Variants in PDS5B observed in about 807,000 individuals in gnomAD.
The protein encoded by PDS5B is sister chromatid cohesion protein PDS5 homolog B.
Under a neutral mutation model 184.1 loss-of-function variants are expected in PDS5B, and 51 were observed. The ratio of observed to expected loss-of-function variants is 0.28; its 90% CI spans 0.22 to 0.35. The LOEUF (loss-of-function observed/expected upper bound fraction) is 0.35, where lower values mean the gene tolerates loss of function less well. Ranked by LOEUF, PDS5B falls within the 10% of genes least tolerant of loss-of-function variation. PDS5B has a pLI of 1.00. For missense variants in PDS5B, 1,180 were observed against 1,723.3 expected (o/e 0.68, Z 5.58); for synonymous variants, 566 against 569.2 (o/e 0.99, Z 0.08).
At chr13:32,602,133 T>G (rs565063284) in intron 1 of PDS5B, among the ~76,000 whole-genome samples, 1 of 152,294 alleles carries the variant, frequency 6.6e-6, no homozygotes, top group East Asian at 1.9e-4. Context: ...AGGGTACATG[T>G]GCACAGCGTG....
chr13:32,696,932 G>T (rs758892513), intron 15 of PDS5B, 30 bp downstream of exon 15: 1 of 1,292,608 alleles, frequency 7.7e-7, no homozygotes. Flanking sequence ...GTATAAAAAT[G>T]TAATTTTTAT....
chr13:32,717,943 T>G (rs950202722), intron 19 of PDS5B, among the ~76,000 whole-genome samples: 3 of 116,222 alleles, frequency 2.6e-5, no homozygotes, highest in African/African-American at 9.9e-5. Context: ...CTTACTAATA[T>G]GTGATTTTTG....
At chr13:32,660,405 A>C (rs1429671303) in intron 6 of PDS5B, among the ~76,000 whole-genome samples, 1 of 152,220 alleles carries the variant, frequency 6.6e-6, no homozygotes, top group Non-Finnish European at 1.5e-5. Context: ...CACAAGCTCT[A>C]CTGCCTGTGT....
Position 32,775,399 on chromosome 13 carries a change from ATTGG to A in PDS5B, c.*348_*351del. ...TTAAACTGACAGTACCCGACTGTTT[ATTGG>A]ATCTATTGATTTGAAAAGAATTTGT... is the stretch of plus-strand genomic sequence containing the variant. On this transcript the variant is annotated 3_prime_UTR_variant, in exon 35 of 35. Coordinates refer to ENST00000315596, the MANE Select transcript of PDS5B (RefSeq NM_015032.4). The A allele has an allele frequency of 3.1e-6, 1 of 323,114 alleles. No homozygotes were observed. Among genetic ancestry groups the A allele is most frequent in the Non-Finnish European group, 5.9e-6 (1 of 169,210 alleles). The allele number at this position is 323,114 out of a possible 1,614,324, so 20.0% of individuals were successfully genotyped here. A position where few individuals can be genotyped will look rare whatever the true frequency, so the allele number is the denominator to read the frequency against.
intron 1 of PDS5B, among the ~76,000 whole-genome samples, chr13:32,624,359 G>T (rs1788134571): frequency 6.6e-6 from 1 of 151,834 alleles, no homozygotes; most frequent in South Asian, 2.1e-4. Context: ...CCTGCATTTT[G>T]GGTAGTTTCT....
intron 1 of PDS5B, among the ~76,000 whole-genome samples, chr13:32,598,265 G>A (rs574696295): frequency 5.4e-4 from 82 of 152,006 alleles, no homozygotes; most frequent in African/African-American, 1.9e-3. Context: ...AGTAGAGATG[G>A]GGTTTCACTA....
Position 32,642,071 on chromosome 13 carries a change from AATC to A in PDS5B, c.-19-6680_-19-6678del, listed in dbSNP as rs1160129836. 8.5e-5 allele frequency among the ~76,000 whole-genome samples: 13 copies of A among 152,308 alleles called. No individual in the cohort carries two copies. The East Asian group carries it at 2.5e-3, about 29-fold the overall frequency. On this transcript the variant is annotated intron_variant, in intron 1 of 34. Coordinates refer to ENST00000315596, the MANE Select transcript of PDS5B (RefSeq NM_015032.4). Reference sequence around the variant, plus strand: ...TAATCATGTTCTGCTTCTCTGGTATAATCATTCGTAAGTCGTTGAATCAGTTTT... The same window carrying A: ...TAATCATGTTCTGCTTCTCTGGTATAATTCGTAAGTCGTTGAATCAGTTTT...
chr13:32,676,957 G>C (rs200099672), intron 9 of PDS5B, among the ~76,000 whole-genome samples: 1 of 114,298 alleles, frequency 8.7e-6, no homozygotes, highest in South Asian at 2.8e-4. Context: ...AAAAAAAAAA[G>C]ATTTAAAGGC....
intron 21 of PDS5B, among the ~76,000 whole-genome samples, chr13:32,737,664 T>G (rs1017865698): frequency 2.6e-5 from 4 of 152,216 alleles, no homozygotes; most frequent in African/African-American, 9.6e-5. Context: ...CAAAACAACC[T>G]AGTCACATCT....
chr13:32,767,803 T>C (rs1305387416), intron 31 of PDS5B, among the ~76,000 whole-genome samples: 2 of 152,058 alleles, frequency 1.3e-5, no homozygotes, highest in Admixed American at 6.5e-5. Flanking sequence ...GAATATATAA[T>C]TGCAAAATTC....
chr13:32,682,374 C>T (rs938573045), intron 10 of PDS5B, among the ~76,000 whole-genome samples: 3 of 152,126 alleles, frequency 2.0e-5, no homozygotes, highest in Non-Finnish European at 2.9e-5. Flanking sequence ...TATGTTGAAT[C>T]ATACAATGTG....
chr13:32,774,901 A>G lies in PDS5B; in HGVS notation c.4309-116A>G, dbSNP rs1285331739. 6.9e-6 allele frequency: 7 copies of G among 1,021,698 alleles called. No individual in the cohort carries two copies. In the Admixed American group the frequency reaches 1.4e-4, roughly 20 times the overall value. 63.3% of individuals were successfully genotyped at this position (1,021,698 alleles called of 1,614,324 possible). A position where few individuals can be genotyped will look rare whatever the true frequency, so the allele number is the denominator to read the frequency against. On this transcript the variant is annotated intron_variant, in intron 34 of 34. Coordinates refer to ENST00000315596, the MANE Select transcript of PDS5B (RefSeq NM_015032.4). ...AGTAAGGATAAAAAGTTTCAGGGAA[A>G]GGAAAGCAAAGAAAATCAGGAACAA... is the stretch of plus-strand genomic sequence containing the variant.
intron 25 of PDS5B, among the ~76,000 whole-genome samples, chr13:32,755,288 T>C (rs1459560168): frequency 6.6e-6 from 1 of 152,154 alleles, no homozygotes; most frequent in Non-Finnish European, 1.5e-5. Flanking sequence ...ACAAAAATAA[T>C]TGCATTTAAA....
intron 10 of PDS5B, among the ~76,000 whole-genome samples, chr13:32,682,257 T>G (rs1221285772): frequency 6.6e-6 from 1 of 152,202 alleles, no homozygotes; most frequent in Non-Finnish European, 1.5e-5. Context: ...AGAGAGTGAA[T>G]TTCCATGATG....
chr13:32,616,093 G>T (rs1324067995), intron 1 of PDS5B, among the ~76,000 whole-genome samples: 5 of 150,888 alleles, frequency 3.3e-5, no homozygotes, highest in Admixed American at 2.6e-4. Context: ...TGCTCTTGGT[G>T]CCCAGGCTGG....
chr13:32,606,996 C>T (rs1251718860), intron 1 of PDS5B, among the ~76,000 whole-genome samples: 6 of 152,176 alleles, frequency 3.9e-5, no homozygotes, highest in African/African-American at 1.2e-4. Context: ...AGCTTCTTTG[C>T]GATGGGTTTG....
intron 29 of PDS5B, 73 bp downstream of exon 29, chr13:32,759,763 T>C: frequency 2.9e-6 from 2 of 695,138 alleles, no homozygotes; most frequent in Non-Finnish European, 4.8e-6. Context: ...AATTGTGTTA[T>C]TTTGTATTTC....
At position 32,777,409 on chromosome 13, in the gene PDS5B, T is replaced by C. The variant is rs1355164697; in HGVS notation, c.*2357T>C. On this transcript the variant is annotated 3_prime_UTR_variant, in exon 35 of 35. Coordinates refer to ENST00000315596, the MANE Select transcript of PDS5B (RefSeq NM_015032.4). Reference sequence around the variant, plus strand: ...CAATAATGATCAAAGTTTTGATGTCTTGAGTCTCCATCTTAGGGGATTATC... The same window carrying C: ...CAATAATGATCAAAGTTTTGATGTCCTGAGTCTCCATCTTAGGGGATTATC... The C allele has an allele frequency of 1.3e-5, 2 of 151,162 alleles. No homozygotes were observed. The highest frequency in any genetic ancestry group is 1.9e-4 in the East Asian group (1 of 5,178). 9.4% of individuals were successfully genotyped at this position (151,162 alleles called of 1,614,324 possible). A position where few individuals can be genotyped will look rare whatever the true frequency, so the allele number is the denominator to read the frequency against.
At chr13:32,712,225 T>A (rs1333621438) in intron 19 of PDS5B, among the ~76,000 whole-genome samples, 3 of 152,242 alleles carry the variant, frequency 2.0e-5, no homozygotes. Flanking sequence ...GTGGACATTT[T>A]AAAATGTACA....
Sources: allele counts gnomAD v4.1 joint callset (sites outside exome capture counted in the v4.1 genomes callset), GRCh38; gene constraint gnomAD v4.1.1; transcripts MANE v1.5; gene names NCBI Gene and HGNC (gene_info 2026-07-23, HGNC 2026-07-21).